RFX3: variants seen among roughly 807,000 people sequenced by gnomAD.
RFX3 encodes transcription factor RFX3.
A neutral mutation model predicts 98.6 loss-of-function variants in RFX3; 14 were observed. The ratio of observed to expected loss-of-function variants is 0.14; its 90% CI spans 0.09 to 0.22. The LOEUF (loss-of-function observed/expected upper bound fraction) is 0.22. RFX3 is among the 10% of genes least tolerant of loss of function. The pLI, the probability that RFX3 is intolerant of heterozygous loss-of-function variation, is 1.00. For synonymous variants in RFX3, 383 were observed against 328.4 expected, an observed-to-expected ratio of 1.17 and a Z score of -1.80; for missense variants, 639 against 926.9, an observed-to-expected ratio of 0.69 and a Z score of 4.03.
chr9:3,367,486 C>A (rs182610574), intron 2 of RFX3, among the ~76,000 whole-genome samples: 1 of 152,154 alleles, frequency 6.6e-6, no homozygotes, highest in Non-Finnish European at 1.5e-5. Context: ...CAATCAAGCA[C>A]CCCCAGACTT....
chr9:3,369,822 TTTTTG>T (rs1371933120), intron 2 of RFX3, among the ~76,000 whole-genome samples: 1 of 151,976 alleles, frequency 6.6e-6, no homozygotes, highest in African/African-American at 2.4e-5. Flanking sequence ...TGTTTTTTTG[TTTTTG>T]TTTTGTTTGT....
Position 3,222,165 on chromosome 9 carries a change from T to C in RFX3, c.*2877A>G, listed in dbSNP as rs1817371261. On this transcript the variant is annotated 3_prime_UTR_variant, in exon 17 of 17. Coordinates refer to ENST00000617270, the MANE Select transcript of RFX3 (RefSeq NM_001282116.2). Reference sequence around the variant, plus strand: ...AAATTGATGAAAATGTTTGTGTGTATGTCTGTGCATGTTTTACTGTGAACT... The same window carrying C: ...AAATTGATGAAAATGTTTGTGTGTACGTCTGTGCATGTTTTACTGTGAACT... 1 of 152,190 alleles carries C rather than the reference T, an allele frequency of 6.6e-6. No homozygotes were observed. Among genetic ancestry groups the C allele is most frequent in the South Asian group, 2.1e-4 (1 of 4,838 alleles). 9.4% of individuals were successfully genotyped at this position (152,190 alleles called of 1,614,324 possible).
At chr9:3,519,403 C>T (rs978685022) in intron 1 of RFX3, among the ~76,000 whole-genome samples, 1 of 152,004 alleles carries the variant, frequency 6.6e-6, no homozygotes, top group Non-Finnish European at 1.5e-5. Context: ...TCTTTCAAAA[C>T]TTTTTGGGCT....
intron 4 of RFX3, among the ~76,000 whole-genome samples, chr9:3,316,696 A>G (rs550799031): frequency 6.6e-6 from 1 of 152,352 alleles, no homozygotes; most frequent in East Asian, 1.9e-4. Flanking sequence ...TACAAAATCA[A>G]TGTGCAAAAA....
intron 2 of RFX3, among the ~76,000 whole-genome samples, chr9:3,357,106 TACTC>T (rs1207770549): frequency 6.6e-6 from 1 of 151,942 alleles, no homozygotes; most frequent in Non-Finnish European, 1.5e-5. Context: ...CTTTCAAAAA[TACTC>T]ACTTTTTTCA....
intron 1 of RFX3, among the ~76,000 whole-genome samples, chr9:3,426,359 C>A (rs1844033492): frequency 6.6e-6 from 1 of 150,600 alleles, no homozygotes; most frequent in African/African-American, 2.4e-5. Flanking sequence ...ACATCCAATA[C>A]CCTTCTTCTG....
intron 1 of RFX3, among the ~76,000 whole-genome samples, chr9:3,473,704 G>A (rs1848975965): frequency 6.6e-6 from 1 of 152,060 alleles, no homozygotes; most frequent in Non-Finnish European, 1.5e-5. Flanking sequence ...TATTCACTCA[G>A]AACAATATTT....
intron 1 of RFX3, among the ~76,000 whole-genome samples, chr9:3,492,979 G>C (rs1850831622): frequency 6.6e-6 from 1 of 152,048 alleles, no homozygotes; most frequent in Non-Finnish European, 1.5e-5. Context: ...TACAAGGATG[G>C]TTGCCCAGCC....
At chr9:3,279,657 A>G (rs960388169) in intron 7 of RFX3, among the ~76,000 whole-genome samples, 1 of 151,902 alleles carries the variant, frequency 6.6e-6, no homozygotes, top group African/African-American at 2.4e-5. Flanking sequence ...TTCAAAAGAC[A>G]GATGTTACAT....
intron 1 of RFX3, among the ~76,000 whole-genome samples, chr9:3,454,492 T>TA (rs1846972440): frequency 6.6e-6 from 1 of 152,186 alleles, no homozygotes; most frequent in Non-Finnish European, 1.5e-5. Flanking sequence ...AAAACTCACT[T>TA]AAAATCACAT....
chr9:3,407,761 T>G (rs952165012), intron 1 of RFX3, among the ~76,000 whole-genome samples: 1 of 152,166 alleles, frequency 6.6e-6, no homozygotes, highest in African/African-American at 2.4e-5. Flanking sequence ...AAAAAATATC[T>G]TAATTTCATT....
chr9:3,456,253 GC>G (rs577813751), intron 1 of RFX3, among the ~76,000 whole-genome samples: 210 of 152,304 alleles, frequency 1.4e-3, no homozygotes, highest in African/African-American at 4.9e-3. Context: ...GTGGGACATG[GC>G]AGTGACAGTT....
intron 2 of RFX3, among the ~76,000 whole-genome samples, chr9:3,393,025 T>C (rs1840470999): frequency 9.9e-6 from 1 of 100,960 alleles, no homozygotes; most frequent in African/African-American, 4.0e-5. Flanking sequence ...GTTCAATCTG[T>C]CAAGAACATA....
At chr9:3,458,029 G>A (rs142923758) in intron 1 of RFX3, among the ~76,000 whole-genome samples, 6 of 152,272 alleles carry the variant, frequency 3.9e-5, no homozygotes, top group African/African-American at 1.4e-4. Context: ...GTTGAGTCGT[G>A]AGGAAGCAGT....
At chr9:3,236,178 A>T (rs936988653) in intron 15 of RFX3, among the ~76,000 whole-genome samples, 11 of 152,130 alleles carry the variant, frequency 7.2e-5, no homozygotes, top group Non-Finnish European at 1.2e-4. Flanking sequence ...TTTGTACTTT[A>T]TTTTTCATTT....
Position 3,454,163 on chromosome 9 carries a change from A to G in RFX3, c.-8-58567T>C, listed in dbSNP as rs577591450. On this transcript the variant is annotated intron_variant, in intron 1 of 16. Coordinates refer to ENST00000617270, the MANE Select transcript of RFX3 (RefSeq NM_001282116.2). ...TGTCTCAAAAAAGTAGCTAAACAGTATATTTTACCCTGATTTCTACTTTAT... is the reference window on the plus strand; with the variant it reads ...TGTCTCAAAAAAGTAGCTAAACAGTGTATTTTACCCTGATTTCTACTTTAT... Among the ~76,000 whole-genome samples the G allele has an allele frequency of 2.0e-5, 3 of 152,322 alleles. No individual in the cohort carries two copies. In the East Asian group the frequency reaches 5.8e-4, roughly 29 times the overall value.
Position 3,525,948 on chromosome 9 carries a change from G to C in RFX3, c.-210C>G. The C allele has an allele frequency of 2.8e-6, 2 of 723,846 alleles. No individual in the cohort carries two copies. Among genetic ancestry groups the C allele is most frequent in the Non-Finnish European group, 3.4e-6 (2 of 594,590 alleles). The allele number at this position is 723,846 out of a possible 1,614,324, so 44.8% of individuals were successfully genotyped here. ...CAAAAGAGAGAGAGAGAGGGAGAGA[G>C]AGAGAGAGCGAGAGGGAGAGGGAGA... On this transcript the variant is annotated 5_prime_UTR_variant, in exon 1 of 17. Coordinates refer to ENST00000617270, the MANE Select transcript of RFX3 (RefSeq NM_001282116.2).
chr9:3,241,770 G>A (rs1393334750), intron 15 of RFX3, among the ~76,000 whole-genome samples: 1 of 152,170 alleles, frequency 6.6e-6, no homozygotes, highest in South Asian at 2.1e-4. Context: ...GGTGTAATTT[G>A]TTCTTTTCCG....
intron 14 of RFX3, among the ~76,000 whole-genome samples, chr9:3,249,749 T>A (rs1011018351): frequency 6.6e-6 from 1 of 152,094 alleles, no homozygotes; most frequent in Non-Finnish European, 1.5e-5. Context: ...TCATATAATT[T>A]TTTGTAAGGT....
Sources: allele counts gnomAD v4.1 joint callset (sites outside exome capture counted in the v4.1 genomes callset), GRCh38; gene constraint gnomAD v4.1.1; transcripts MANE v1.5; gene names NCBI Gene and HGNC (gene_info 2026-07-23, HGNC 2026-07-21).